Variants in RGS3 observed in about 807,000 individuals in gnomAD.
RGS3 encodes the protein regulator of G-protein signalling 3.
Under a neutral mutation model 132.6 loss-of-function variants are expected in RGS3, and 80 were observed. That is an observed-to-expected ratio of 0.60 (90% CI 0.50 to 0.73). The LOEUF is 0.73. Among genes scored for constraint, RGS3 ranks in the 30% least tolerant of loss-of-function variants. RGS3 has a pLI of 0.00. For synonymous variants in RGS3, 598 were observed against 620.6 expected, an observed-to-expected ratio of 0.96 and a Z score of 0.54; for missense variants, 1,382 against 1,530.8, an observed-to-expected ratio of 0.90 and a Z score of 1.62.
intron 5 of RGS3, 70 bp downstream of exon 3, chr9:113,483,187 C>G: frequency 1.9e-6 from 2 of 1,065,510 alleles, no homozygotes; most frequent in Non-Finnish European, 2.8e-6. Flanking sequence ...GTCCCAAGGT[C>G]CCAGCACACC....
chr9:113,522,796 C>G, intron 16 of RGS3, 134 bp from the exon 15 acceptor site: 1 of 725,336 alleles, frequency 1.4e-6, no homozygotes, highest in Non-Finnish European at 2.6e-6. Context: ...GAGCACTGCT[C>G]CTGGTTTTGT....
At chr9:113,532,482 C>T (rs969076834) in intron 18 of RGS3, among the ~76,000 whole-genome samples, 11 of 152,246 alleles carry the variant, frequency 7.2e-5, no homozygotes, top group African/African-American at 2.2e-4. Context: ...TCTAGTATTA[C>T]AGCTTCAAGC....
chr9:113,591,507 C>T lies in RGS3; in HGVS notation c.3080+110C>T, dbSNP rs1835428632. 1 of 950,700 alleles carries T rather than the reference C, an allele frequency of 1.1e-6. No homozygotes were observed. The highest frequency in any genetic ancestry group is 2.4e-5 in the East Asian group (1 of 40,892). 58.9% of individuals were successfully genotyped at this position (950,700 alleles called of 1,614,324 possible). ...AGAAGAGGTTGTGCCTGGTCCCGCCCACAACCCCAGACAGACACCAAGGAA... is the reference window on the plus strand; with the variant it reads ...AGAAGAGGTTGTGCCTGGTCCCGCCTACAACCCCAGACAGACACCAAGGAA... On this transcript the variant is annotated intron_variant, in intron 21 of 24. Transcript: ENST00000350696. The surrounding 1 kb of genome is among the most constrained non-coding windows in gnomAD (Gnocchi z 4.4).
intron 20 of RGS3, among the ~76,000 whole-genome samples, chr9:113,587,703 A>G (rs1279803945): frequency 1.3e-5 from 2 of 152,150 alleles, no homozygotes; most frequent in Non-Finnish European, 2.9e-5. Context: ...GTGCTGAGCA[A>G]TTTCTACTGT....
intron 19 of RGS3, among the ~76,000 whole-genome samples, chr9:113,555,310 A>C (rs1021913808): frequency 2.0e-5 from 3 of 152,182 alleles, no homozygotes; most frequent in Non-Finnish European, 4.4e-5. Flanking sequence ...CCTTTGTCAC[A>C]AACATATTTC....
chr9:113,501,475 T>C (rs1047355400), intron 10 of RGS3: 1 of 1,509,818 alleles, frequency 6.6e-7, no homozygotes, highest in Non-Finnish European at 8.9e-7. Context: ...GGGGCGGGCT[T>C]CCCAGGGTGC....
At chr9:113,546,266 G>A (rs999265992) in intron 19 of RGS3, among the ~76,000 whole-genome samples, 1 of 152,162 alleles carries the variant, frequency 6.6e-6, no homozygotes. Flanking sequence ...CAACCTTCAA[G>A]GCTTAGTGGC....
At chr9:113,483,982 C>T (rs963717458) in intron 5 of RGS3, among the ~76,000 whole-genome samples, 156 bp from the exon 4 acceptor site, 7 of 152,204 alleles carry the variant, frequency 4.6e-5, no homozygotes, top group Admixed American at 1.3e-4. Context: ...CTCCTTGTTC[C>T]CTTGCAGCAT....
At chr9:113,570,697 C>T (rs1449182739) in intron 19 of RGS3, among the ~76,000 whole-genome samples, 1 of 152,000 alleles carries the variant, frequency 6.6e-6, no homozygotes, top group Non-Finnish European at 1.5e-5. Context: ...GTTGCCCAGG[C>T]TGGGGTGCAG....
intron 19 of RGS3, among the ~76,000 whole-genome samples, chr9:113,540,204 C>T (rs911577777): frequency 6.6e-6 from 1 of 152,086 alleles, no homozygotes; most frequent in African/African-American, 2.4e-5. Flanking sequence ...ACTAAACTCC[C>T]TGCATGGGGA....
intron 7 of RGS3, among the ~76,000 whole-genome samples, chr9:113,487,358 G>T (rs1452509417): frequency 1.3e-5 from 2 of 151,760 alleles, no homozygotes; most frequent in Non-Finnish European, 2.9e-5. Context: ...TGATCCACCC[G>T]CCTCGGCCTC....
chr9:113,493,326 A>G (rs180928739), intron 7 of RGS3, among the ~76,000 whole-genome samples: 1 of 152,218 alleles, frequency 6.6e-6, no homozygotes, highest in Admixed American at 6.5e-5. Flanking sequence ...TTTTGAATAG[A>G]TTATTAATAG....
chr9:113,472,496 T>C (rs544316270), intron 3 of RGS3, among the ~76,000 whole-genome samples: 1 of 152,284 alleles, frequency 6.6e-6, no homozygotes, highest in Non-Finnish European at 1.5e-5. Flanking sequence ...GAAAACATTA[T>C]GCTAAGTGAA....
At chr9:113,455,440 G>C (rs1176521033), upstream of RGS3, among the ~76,000 whole-genome samples, 2 of 152,160 alleles carry the variant, frequency 1.3e-5, no homozygotes, top group African/African-American at 2.4e-5. Flanking sequence ...TAACTGCGAG[G>C]GTGCTGAGTC....
chr9:113,563,349 C>G (rs1833868501), intron 19 of RGS3, among the ~76,000 whole-genome samples: 1 of 152,200 alleles, frequency 6.6e-6, no homozygotes, highest in Non-Finnish European at 1.5e-5. Context: ...CAGAGCCTGG[C>G]ACAGAGTCTA....
At chr9:113,594,095 C>T (rs761730132) in intron 21 of RGS3, 2 of 1,613,128 alleles carry the variant, frequency 1.2e-6, no homozygotes, top group Admixed American at 3.3e-5. Flanking sequence ...CTCCTCCTGT[C>T]TGAGTCCCAG....
At chr9:113,460,246 C>G (rs10981790), upstream of RGS3, 3 of 1,166,360 alleles carry the variant, frequency 2.6e-6, no homozygotes, top group African/African-American at 5.0e-5. Context: ...CCTGGCCAGG[C>G]GCAGTGGCTC....
At chr9:113,574,727 C>G (rs1042132995) in intron 19 of RGS3, among the ~76,000 whole-genome samples, 1 of 152,140 alleles carries the variant, frequency 6.6e-6, no homozygotes, top group African/African-American at 2.4e-5. Flanking sequence ...GGATAGAGAG[C>G]TTAGGGAAAT....
At position 113,483,099 on chromosome 9, in the gene RGS3, C is replaced by G. The variant is rs779064408; in HGVS notation, c.507C>G (p.Thr169=). 2.5e-6 allele frequency: 4 copies of G among 1,612,448 alleles called. No individual in the cohort carries two copies. The East Asian group carries it at 6.7e-5, about 27-fold the overall frequency. The change falls in exon 5 of 25, where the codon ACC becomes ACG. Residue 169 remains threonine (T), a synonymous_variant. Coordinates refer to ENST00000350696, the Ensembl canonical transcript of RGS3. The stretch of plus-strand genomic sequence containing the variant: ...GCCTGATCAGCAAACAGCCTGGCAC[C>G]TGTGATCCGTATGTGAAGGTATGTG...
Sources: allele counts gnomAD v4.1 joint callset (sites outside exome capture counted in the v4.1 genomes callset), GRCh38; gene constraint gnomAD v4.1.1; non-coding constraint Gnocchi (gnomAD v3.1); transcripts MANE v1.5; gene names NCBI Gene and HGNC (gene_info 2026-07-23, HGNC 2026-07-21).